The following SLC10A7 variants were observed in gnomAD, a reference collection of about 807,000 sequenced individuals.
SLC10A7 encodes the protein solute carrier family 10 member 7.
A neutral mutation model predicts 43.2 loss-of-function variants in SLC10A7; 29 were observed. That is an observed-to-expected ratio of 0.67 (90% CI 0.50 to 0.92). The LOEUF is 0.92. Among genes scored for constraint, SLC10A7 ranks in the 40% least tolerant of loss-of-function variants. The pLI is 0.00. For missense variants in SLC10A7, 295 were observed against 403.2 expected, an observed-to-expected ratio of 0.73 and a Z score of 2.30; for synonymous variants, 152 against 144.8, an observed-to-expected ratio of 1.05 and a Z score of -0.35.
intron 5 of SLC10A7, among the ~76,000 whole-genome samples, chr4:146,411,248 T>G (rs1230421761): frequency 6.6e-6 from 1 of 152,172 alleles, no homozygotes; most frequent in African/African-American, 2.4e-5. Flanking sequence ...TTTATACTCA[T>G]GTCAACCTCT....
intron 7 of SLC10A7, among the ~76,000 whole-genome samples, chr4:146,303,501 C>G (rs1157369210): frequency 1.3e-5 from 2 of 151,636 alleles, no homozygotes; most frequent in Non-Finnish European, 2.9e-5. Flanking sequence ...CACCAACCTC[C>G]TGAGTAACTG....
chr4:146,256,387 TA>T lies in SLC10A7; in HGVS notation c.*103del. 2 of 1,096,994 alleles carry T rather than the reference TA, an allele frequency of 1.8e-6. No individual in the cohort carries two copies. The highest frequency in any genetic ancestry group is 2.7e-6 in the Non-Finnish European group (2 of 735,056). 68.0% of individuals were successfully genotyped at this position (1,096,994 alleles called of 1,614,324 possible). A position where few individuals can be genotyped will look rare whatever the true frequency, so the allele number is the denominator to read the frequency against. On this transcript the variant is annotated 3_prime_UTR_variant, in exon 12 of 12. Transcript: ENST00000335472. ...GATCTCATATTTTTGTGTAAAAAAA[TA>T]AAATATGCATTGAGGCAACATTCAC...
chr4:146,424,524 G>A (rs1462901459), intron 5 of SLC10A7, among the ~76,000 whole-genome samples: 1 of 152,060 alleles, frequency 6.6e-6, no homozygotes, highest in Non-Finnish European at 1.5e-5. Flanking sequence ...GCTGGGCGTG[G>A]TGGAGGCCAC....
intron 4 of SLC10A7, among the ~76,000 whole-genome samples, chr4:146,452,455 A>G (rs1189655737): frequency 6.6e-6 from 1 of 152,164 alleles, no homozygotes; most frequent in Non-Finnish European, 1.5e-5. Flanking sequence ...ATTAAATATG[A>G]AAACACAAAA....
chr4:146,325,947 A>G lies in SLC10A7; in HGVS notation c.471+14T>C, dbSNP rs374493745. 4.3e-5 allele frequency: 69 copies of G among 1,608,386 alleles called. No individual in the cohort carries two copies. Among genetic ancestry groups the G allele is most frequent in the Non-Finnish European group, 5.7e-5 (67 of 1,176,470 alleles). The stretch of plus-strand genomic sequence containing the variant: ...TTTAATAAAATATATTAAAGACAAC[A>G]TCAAAATACTCACAAAAAGCAGCAG... On this transcript the variant is annotated intron_variant, in intron 6 of 11. Coordinates refer to ENST00000335472, the MANE Select transcript of SLC10A7 (RefSeq NM_001029998.6).
chr4:146,304,482 T>C (rs1315718708), intron 7 of SLC10A7, among the ~76,000 whole-genome samples: 1 of 152,170 alleles, frequency 6.6e-6, no homozygotes, highest in African/African-American at 2.4e-5. Flanking sequence ...AGAACATCTT[T>C]ATTTCTGCCT....
intron 5 of SLC10A7, among the ~76,000 whole-genome samples, chr4:146,334,005 G>C (rs528412579): frequency 6.6e-6 from 1 of 152,090 alleles, no homozygotes; most frequent in Non-Finnish European, 1.5e-5. Flanking sequence ...CTAGTAGACT[G>C]TTCAATTAAG....
At chr4:146,369,118 G>A (rs1736594218) in intron 5 of SLC10A7, among the ~76,000 whole-genome samples, 1 of 152,092 alleles carries the variant, frequency 6.6e-6, no homozygotes, top group Admixed American at 6.6e-5. Context: ...GAGGACAGGG[G>A]CTACATCTCT....
chr4:146,442,903 C>A, intron 4 of SLC10A7, 82 bp from the exon 5 acceptor site: 1 of 971,424 alleles, frequency 1.0e-6, no homozygotes, highest in Non-Finnish European at 1.5e-6. Flanking sequence ...TTCTCCCCTC[C>A]CCCACTATTC....
Position 146,256,309 on chromosome 4 carries a change from G to A in SLC10A7, c.*182C>T, listed in dbSNP as rs1373870626. 6.4e-6 allele frequency: 4 copies of A among 621,816 alleles called. No individual in the cohort carries two copies. The highest frequency in any genetic ancestry group is 1.9e-5 in the African/African-American group (1 of 54,012). The allele number at this position is 621,816 out of a possible 1,614,324, so 38.5% of individuals were successfully genotyped here. A position where few individuals can be genotyped will look rare whatever the true frequency, so the allele number is the denominator to read the frequency against. On this transcript the variant is annotated 3_prime_UTR_variant, in exon 12 of 12. Transcript: ENST00000335472. The stretch of plus-strand genomic sequence containing the variant: ...ACCACCCCTGGCAGTAATCAACAAA[G>A]CATATTTTGGAAATAACGCTCTTGT...
At chr4:146,452,014 T>C (rs1308654122) in intron 4 of SLC10A7, among the ~76,000 whole-genome samples, 1 of 152,054 alleles carries the variant, frequency 6.6e-6, no homozygotes, top group Admixed American at 6.6e-5. Context: ...AATAAGTCCC[T>C]CCTTGCTAAA....
At chr4:146,313,249 A>G (rs1405462204) in intron 6 of SLC10A7, among the ~76,000 whole-genome samples, 1 of 152,146 alleles carries the variant, frequency 6.6e-6, no homozygotes, top group Non-Finnish European at 1.5e-5. Context: ...AGACTGCCCC[A>G]ACTCATCCCA....
intron 5 of SLC10A7, among the ~76,000 whole-genome samples, chr4:146,335,647 A>G (rs529902378): frequency 6.6e-6 from 1 of 152,144 alleles, no homozygotes; most frequent in Admixed American, 6.6e-5. Flanking sequence ...ATGAGTTATC[A>G]AGCCCATTAT....
intron 6 of SLC10A7, among the ~76,000 whole-genome samples, chr4:146,319,693 G>C (rs1030906897): frequency 1.3e-5 from 2 of 152,032 alleles, no homozygotes; most frequent in South Asian, 2.1e-4. Flanking sequence ...GAGGAATTCT[G>C]CTACAAAAAG....
At chr4:146,340,991 T>C (rs1734224049) in intron 5 of SLC10A7, among the ~76,000 whole-genome samples, 1 of 151,764 alleles carries the variant, frequency 6.6e-6, no homozygotes, top group African/African-American at 2.4e-5. Flanking sequence ...ACTTTGACAG[T>C]TTAAAAAAAA....
At chr4:146,424,085 T>A (rs962452336) in intron 5 of SLC10A7, among the ~76,000 whole-genome samples, 21 of 152,228 alleles carry the variant, frequency 1.4e-4, no homozygotes, top group African/African-American at 5.1e-4. Flanking sequence ...AAGATCTCCC[T>A]CTGTTGTCCA....
At chr4:146,519,725 C>T (rs1022453573) in intron 1 of SLC10A7, among the ~76,000 whole-genome samples, 2 of 151,984 alleles carry the variant, frequency 1.3e-5, no homozygotes, top group Admixed American at 6.5e-5. Context: ...TTTTAAATAC[C>T]CTGGTCTCCA....
At chr4:146,432,913 C>T (rs1390303077) in intron 5 of SLC10A7, among the ~76,000 whole-genome samples, 9 of 151,582 alleles carry the variant, frequency 5.9e-5, no homozygotes, top group African/African-American at 2.2e-4. Flanking sequence ...TGGTACGCGC[C>T]TGTAGTCCCA....
At chr4:146,372,877 T>C (rs1312077727) in intron 5 of SLC10A7, among the ~76,000 whole-genome samples, 1 of 152,246 alleles carries the variant, frequency 6.6e-6, no homozygotes, top group Non-Finnish European at 1.5e-5. Flanking sequence ...ATATAAATTA[T>C]GAAATAATAA....
Sources: gnomAD v4.1 joint callset for allele counts (sites outside exome capture counted in the v4.1 genomes callset) on GRCh38, gnomAD v4.1.1 for gene constraint, MANE v1.5 for transcripts, NCBI Gene and HGNC (gene_info 2026-07-23, HGNC 2026-07-21) for gene names.